KCNIP4: variants seen among roughly 807,000 people sequenced by gnomAD.
KCNIP4 encodes Kv channel-interacting protein 4.
A neutral mutation model predicts 34.0 loss-of-function variants in KCNIP4; 12 were observed. The observed-to-expected ratio is 0.35, with a 90% CI of 0.23 to 0.57. KCNIP4 has a LOEUF of 0.57. KCNIP4 is among the 20% of genes least tolerant of loss of function. KCNIP4 has a pLI of 0.83. For synonymous variants in KCNIP4, 124 were observed against 102.2 expected (o/e 1.21, Z -1.29); for missense variants, 238 against 311.7 (o/e 0.76, Z 1.78).
intron 2 of KCNIP4, among the ~76,000 whole-genome samples, chr4:20,880,671 C>G (rs1724586761): frequency 6.6e-6 from 1 of 152,156 alleles, no homozygotes; most frequent in Non-Finnish European, 1.5e-5. Flanking sequence ...TACCTATCTA[C>G]AGTGTACAAA....
At chr4:21,706,424 G>A (rs771966919) in intron 1 of KCNIP4, among the ~76,000 whole-genome samples, 6 of 152,132 alleles carry the variant, frequency 3.9e-5, no homozygotes, top group Non-Finnish European at 8.8e-5. Context: ...GATTCCACAA[G>A]CAACTACTGG....
intron 1 of KCNIP4, among the ~76,000 whole-genome samples, chr4:21,062,240 A>C (rs1250796247): frequency 6.6e-6 from 1 of 152,192 alleles, no homozygotes; most frequent in Non-Finnish European, 1.5e-5. Context: ...CAAATGGATA[A>C]GAAATCTCTC....
rs145887286 is a variant in KCNIP4 at position 21,876,932 on chromosome 4, G to T, written c.61+71639C>A. Among the ~76,000 whole-genome samples, 338 of 151,960 alleles carry T rather than the reference G, an allele frequency of 2.2e-3. 1 individual carries two copies. The highest frequency in any genetic ancestry group is 7.8e-3 in the African/African-American group (323 of 41,408). On this transcript the variant is annotated intron_variant, in intron 1 of 8. Coordinates refer to ENST00000382152, the MANE Select transcript of KCNIP4 (RefSeq NM_025221.6). ...CATGTGCAAGCCAGTCCATCTGCTA[G>T]TGGCCAGACAATCTTAGACAGGCAC...
At chr4:21,345,149 G>A (rs1300393911) in intron 1 of KCNIP4, among the ~76,000 whole-genome samples, 1 of 152,046 alleles carries the variant, frequency 6.6e-6, no homozygotes, top group Non-Finnish European at 1.5e-5. Context: ...GTCTTGGGAG[G>A]GCTCTCTCAT....
At chr4:21,099,016 G>A (rs980356711) in intron 1 of KCNIP4, among the ~76,000 whole-genome samples, 55 of 152,296 alleles carry the variant, frequency 3.6e-4, no homozygotes, top group Middle Eastern at 3.4e-3. Context: ...TTGCACTATT[G>A]GTGGGAGTGT....
At chr4:21,253,030 T>A (rs549456593) in intron 1 of KCNIP4, among the ~76,000 whole-genome samples, 1 of 152,268 alleles carries the variant, frequency 6.6e-6, no homozygotes, top group South Asian at 2.1e-4. Flanking sequence ...TTCTCAGAAG[T>A]AAGATTTTAC....
At chr4:21,475,020 C>A (rs563905031) in intron 1 of KCNIP4, among the ~76,000 whole-genome samples, 18 of 141,832 alleles carry the variant, frequency 1.3e-4, no homozygotes, top group East Asian at 2.1e-4. Context: ...AAAAAAAAGA[C>A]GTTAATAAAA....
chr4:21,635,754 G>A (rs953084137), intron 1 of KCNIP4, among the ~76,000 whole-genome samples: 12 of 152,084 alleles, frequency 7.9e-5, no homozygotes, highest in African/African-American at 2.9e-4. Flanking sequence ...ATCTAGAACT[G>A]GAAATACCAT....
chr4:21,229,282 T>A (rs1008969023), intron 1 of KCNIP4, among the ~76,000 whole-genome samples: 18 of 152,182 alleles, frequency 1.2e-4, no homozygotes, highest in Non-Finnish European at 2.1e-4. Flanking sequence ...TCATTCCACA[T>A]TTGTAATAAT....
At chr4:21,199,067 C>T (rs1304117077) in intron 1 of KCNIP4, among the ~76,000 whole-genome samples, 4 of 152,022 alleles carry the variant, frequency 2.6e-5, no homozygotes, top group Admixed American at 6.6e-5. Flanking sequence ...TAAAAAACAT[C>T]GTTCCTTTGG....
At position 21,757,211 on chromosome 4, in the gene KCNIP4, GA is replaced by G. The variant is rs1717674113; in HGVS notation, c.61+191359del. Among the ~76,000 whole-genome samples, 3 of 17,906 alleles carry G rather than the reference GA, an allele frequency of 1.7e-4. 1 individual carries two copies. The highest frequency in any genetic ancestry group is 1.0e-3 in the African/African-American group (3 of 2,916). The allele number at this position is 17,906 out of a possible 152,430, so 11.7% of individuals were successfully genotyped here. A position where few individuals can be genotyped will look rare whatever the true frequency, so the allele number is the denominator to read the frequency against. On this transcript the variant is annotated intron_variant, in intron 1 of 8. Coordinates refer to ENST00000382152, the MANE Select transcript of KCNIP4 (RefSeq NM_025221.6). Reference sequence around the variant, plus strand: ...GGAAGGAAGGAAGGAAAGAAAGAAAGAAAGAAAGAAAGAAAGAAAGAAAGAA... The same window carrying G: ...GGAAGGAAGGAAGGAAAGAAAGAAAGAAGAAAGAAAGAAAGAAAGAAAGAA...
intron 1 of KCNIP4, among the ~76,000 whole-genome samples, chr4:20,937,220 G>GTTTTTTTTTTTTTTTTTTT (rs1157766416): frequency 9.5e-6 from 1 of 105,140 alleles, no homozygotes; most frequent in Admixed American, 1.0e-4. Context: ...CCCCCAAGGA[G>GTTTTTTTTTTTTTTTTTTT]TCTTTTTTTT....
intron 1 of KCNIP4, among the ~76,000 whole-genome samples, chr4:20,889,153 G>A (rs1244243336): frequency 2.6e-5 from 4 of 152,004 alleles, no homozygotes; most frequent in Non-Finnish European, 1.5e-5. Flanking sequence ...GAACTTGTGA[G>A]GATAATCATA....
intron 1 of KCNIP4, among the ~76,000 whole-genome samples, chr4:21,295,034 T>A (rs1763757921): frequency 6.6e-6 from 1 of 152,166 alleles, no homozygotes; most frequent in Non-Finnish European, 1.5e-5. Flanking sequence ...AAATTCCTTC[T>A]CTAGTAAAGT....
chr4:20,940,259 G>A (rs529551931), intron 1 of KCNIP4, among the ~76,000 whole-genome samples: 199 of 152,166 alleles, frequency 1.3e-3, no homozygotes, highest in Middle Eastern at 3.4e-3. Flanking sequence ...TTTCTCAGTC[G>A]TTCTAAAATG....
intron 1 of KCNIP4, among the ~76,000 whole-genome samples, chr4:21,144,197 C>T (rs539553640): frequency 3.9e-5 from 6 of 152,188 alleles, no homozygotes; most frequent in East Asian, 1.9e-4. Flanking sequence ...TGTCAGTTCA[C>T]GTTGGCATTA....
intron 3 of KCNIP4, among the ~76,000 whole-genome samples, chr4:20,834,190 C>T (rs1474956149): frequency 6.6e-6 from 1 of 152,148 alleles, no homozygotes; most frequent in African/African-American, 2.4e-5. Context: ...TTGGGATTAG[C>T]AGAAATTTCC....
chr4:21,138,560 T>A lies in KCNIP4; in HGVS notation c.62-255851A>T, dbSNP rs191084339. On this transcript the variant is annotated intron_variant, in intron 1 of 8. Coordinates refer to ENST00000382152, the MANE Select transcript of KCNIP4 (RefSeq NM_025221.6). ...TTTTTTGGTTGTTCTCTCACCATTG[T>A]TTTACATCCCTGTGGTTGGCAGAAT... Among the ~76,000 whole-genome samples, 462 of 152,158 alleles carry A rather than the reference T, an allele frequency of 3.0e-3. 2 individuals carry two copies. The highest frequency in any genetic ancestry group is 0.011 in the African/African-American group (439 of 41,506).
At chr4:21,111,606 C>A (rs1320102923) in intron 1 of KCNIP4, among the ~76,000 whole-genome samples, 2 of 152,170 alleles carry the variant, frequency 1.3e-5, no homozygotes, top group Non-Finnish European at 2.9e-5. Flanking sequence ...CAGCGTGGCA[C>A]TAGAAAAATT....
Sources: gnomAD v4.1 joint callset for allele counts (sites outside exome capture counted in the v4.1 genomes callset) on GRCh38, gnomAD v4.1.1 for gene constraint, MANE v1.5 for transcripts, NCBI Gene and HGNC (gene_info 2026-07-23, HGNC 2026-07-21) for gene names.